Variants in PADI2 observed in about 807,000 individuals in gnomAD.
The protein encoded by PADI2 is protein-arginine deiminase type-2.
A neutral mutation model predicts 81.1 loss-of-function variants in PADI2; 70 were observed. The ratio of observed to expected loss-of-function variants is 0.86; its 90% CI spans 0.71 to 1.05. The LOEUF is 1.05. Ranked by LOEUF, PADI2 falls within the 50% of genes least tolerant of loss-of-function variation. The pLI is 0.00. For synonymous variants in PADI2, 338 were observed against 358.0 expected (o/e 0.94, Z 0.63); for missense variants, 853 against 889.9 (o/e 0.96, Z 0.53).
intron 11 of PADI2, among the ~76,000 whole-genome samples, chr1:17,078,261 G>A (rs1570980232): frequency 1.3e-5 from 2 of 151,710 alleles, no homozygotes; most frequent in Admixed American, 6.6e-5. Context: ...ACAGGCATGT[G>A]CCACCACGCC....
chr1:17,075,977 G>T (rs772664431), intron 11 of PADI2, among the ~76,000 whole-genome samples, 154 bp from the exon 12 acceptor site: 2 of 152,220 alleles, frequency 1.3e-5, no homozygotes, highest in Non-Finnish European at 2.9e-5. Flanking sequence ...AGACCCTGGC[G>T]CAGGCAGTAA....
intron 6 of PADI2, 60 bp from the exon 7 acceptor site, chr1:17,086,759 G>T (rs1930459697): frequency 3.4e-6 from 5 of 1,472,568 alleles, no homozygotes; most frequent in Non-Finnish European, 4.7e-6. Flanking sequence ...TCGGTGGGGT[G>T]GGATCACCGA....
chr1:17,095,989 G>A lies in PADI2; in HGVS notation c.350-19C>T, dbSNP rs778026310. 2.5e-6 allele frequency: 4 copies of A among 1,595,812 alleles called. No homozygotes were observed. Among genetic ancestry groups the A allele is most frequent in the Non-Finnish European group, 3.4e-6 (4 of 1,169,842 alleles). On this transcript the variant is annotated intron_variant, in intron 3 of 15. Coordinates refer to ENST00000375486, the MANE Select transcript of PADI2 (RefSeq NM_007365.3). ...GAGATCTCTGGGGAGAAGAGACATG[G>A]GTGAGTTGCTGAGCCTGCCAGGCAG... is the stretch of plus-strand genomic sequence containing the variant.
chr1:17,083,885 G>A (rs758317760), intron 8 of PADI2, 48 bp from the exon 9 acceptor site: 5 of 1,111,230 alleles, frequency 4.5e-6, no homozygotes, highest in East Asian at 2.3e-5. Flanking sequence ...GGGTGAGGAG[G>A]GGCCAGAGTC....
At chr1:17,104,837 T>C (rs1272612480) in intron 2 of PADI2, 41 bp downstream of exon 2, 1 of 1,502,744 alleles carries the variant, frequency 6.7e-7, no homozygotes, top group Non-Finnish European at 9.0e-7. Context: ...TATCCTGGCA[T>C]GGTCCCGGGC....
At chr1:17,096,917 T>C (rs1012239779) in intron 3 of PADI2, among the ~76,000 whole-genome samples, 1 of 152,158 alleles carries the variant, frequency 6.6e-6, no homozygotes, top group Non-Finnish European at 1.5e-5. Flanking sequence ...GCCTGTGCAT[T>C]GTAGGATGTT....
chr1:17,097,674 CCACTTGTCAGCAAAT>C (rs1930986735), intron 3 of PADI2, among the ~76,000 whole-genome samples: 1 of 152,158 alleles, frequency 6.6e-6, no homozygotes, highest in African/African-American at 2.4e-5. Context: ...TTCAGAGAAG[CCACTTGTCAGCAAAT>C]CGGGCTGGTA....
intron 3 of PADI2, among the ~76,000 whole-genome samples, chr1:17,099,073 TG>T (rs1931048220): frequency 6.6e-6 from 1 of 152,110 alleles, no homozygotes; most frequent in Non-Finnish European, 1.5e-5. Flanking sequence ...TGACGGGAAA[TG>T]TCCCTAGGAT....
At chr1:17,096,034 G>T in intron 3 of PADI2, 64 bp from the exon 4 acceptor site, 1 of 1,304,702 alleles carries the variant, frequency 7.7e-7, no homozygotes, top group Non-Finnish European at 1.1e-6. Flanking sequence ...GGGGCAAGAG[G>T]AAGACCTGTG....
intron 2 of PADI2, 27 bp from the exon 3 acceptor site, chr1:17,103,086 T>C: frequency 6.4e-7 from 1 of 1,550,700 alleles, no homozygotes. Context: ...CACATTGGAG[T>C]AGAGAGAAAA....
chr1:17,116,843 T>C (rs949772098), intron 1 of PADI2, among the ~76,000 whole-genome samples: 8 of 152,212 alleles, frequency 5.3e-5, no homozygotes, highest in African/African-American at 1.7e-4. Flanking sequence ...CTGTTATCAA[T>C]ACTGGCAGTT....
intron 11 of PADI2, 97 bp from the exon 12 acceptor site, chr1:17,075,920 G>C: frequency 8.3e-7 from 1 of 1,209,154 alleles, no homozygotes; most frequent in Non-Finnish European, 1.2e-6. Flanking sequence ...CGGACCCAGA[G>C]TGACATCAGC....
At chr1:17,092,361 G>A in intron 6 of PADI2, 47 bp downstream of exon 6, 5 of 1,513,918 alleles carry the variant, frequency 3.3e-6, no homozygotes, top group Non-Finnish European at 4.5e-6. Flanking sequence ...GGGGAGGAGG[G>A]TAGGTGGCTA....
chr1:17,079,971 A>G (rs2078332366), intron 10 of PADI2, among the ~76,000 whole-genome samples: 1 of 151,868 alleles, frequency 6.6e-6, no homozygotes, highest in African/African-American at 2.4e-5. Context: ...TTGTATTTTT[A>G]GTAGAGATGG....
intron 3 of PADI2, among the ~76,000 whole-genome samples, chr1:17,100,852 T>C (rs1027729245): frequency 1.3e-5 from 2 of 149,228 alleles, no homozygotes; most frequent in African/African-American, 2.5e-5. Context: ...AGTAGAGATG[T>C]GGTTTCGCCA....
chr1:17,118,400 C>T (rs1931828331), intron 1 of PADI2, among the ~76,000 whole-genome samples: 1 of 152,120 alleles, frequency 6.6e-6, no homozygotes. Context: ...CCCACCCTTT[C>T]ATTCACACCA....
Position 17,075,659 on chromosome 1 carries a change from G to A in PADI2, c.1455+20C>T, listed in dbSNP as rs774957564. ...GTTTGCTGCTACCCCATTCACTCCA[G>A]CCTCGGGAGGCTAGCTTACCTTTGT... is the stretch of plus-strand genomic sequence containing the variant. On this transcript the variant is annotated intron_variant, in intron 12 of 15. Coordinates refer to ENST00000375486, the MANE Select transcript of PADI2 (RefSeq NM_007365.3). 5 of 1,605,472 alleles carry A rather than the reference G, an allele frequency of 3.1e-6. No individual in the cohort carries two copies. In the South Asian group the frequency reaches 4.4e-5, roughly 14 times the overall value.
intron 13 of PADI2, among the ~76,000 whole-genome samples, chr1:17,072,147 A>G (rs1351958238): frequency 6.6e-6 from 1 of 152,262 alleles, no homozygotes; most frequent in Non-Finnish European, 1.5e-5. Context: ...CAGGACTTAC[A>G]TCTAGCAAGC....
intron 2 of PADI2, among the ~76,000 whole-genome samples, chr1:17,103,551 G>A (rs1015506759): frequency 2.0e-5 from 3 of 152,084 alleles, no homozygotes; most frequent in Admixed American, 6.6e-5. Flanking sequence ...ATAGACCAAG[G>A]ACACTTGTGA....
Sources: gnomAD v4.1 joint callset for allele counts (sites outside exome capture counted in the v4.1 genomes callset) on GRCh38, gnomAD v4.1.1 for gene constraint, MANE v1.5 for transcripts, NCBI Gene and HGNC (gene_info 2026-07-23, HGNC 2026-07-21) for gene names.